Variants in REDIC1 observed in about 807,000 individuals in gnomAD.
The protein encoded by REDIC1 is regulator of DNA class I crossover intermediates 1, also known as HEI10 Interacting Protein 1.
the REDIC1 span, among the ~76,000 whole-genome samples, chr12:39,666,060 C>A: frequency 6.6e-6 from 1 of 152,046 alleles, no homozygotes; most frequent in Non-Finnish European, 1.5e-5. Context: ...CCTTTATTTC[C>A]TTCTCCTGCC....
At chr12:39,705,799 A>G in the REDIC1 span, among the ~76,000 whole-genome samples, 11 of 152,252 alleles carry the variant, frequency 7.2e-5, no homozygotes, top group South Asian at 2.3e-3. Flanking sequence ...TGAATATAGA[A>G]GGAACATAAC....
At chr12:39,753,306 A>T in the REDIC1 span, among the ~76,000 whole-genome samples, 3 of 151,996 alleles carry the variant, frequency 2.0e-5, no homozygotes, top group African/African-American at 7.3e-5. Context: ...GAGAGGGTTA[A>T]TGTCACGGTT....
At chr12:39,896,272 ATG>A in the REDIC1 span, among the ~76,000 whole-genome samples, 1 of 131,992 alleles carries the variant, frequency 7.6e-6, no homozygotes, top group African/African-American at 2.8e-5. Flanking sequence ...GTGTGTATAT[ATG>A]TATACATGTA....
At chr12:39,713,012 CATGTGTATATACGTGTATAT>C in the REDIC1 span, among the ~76,000 whole-genome samples, 123 of 133,752 alleles carry the variant, frequency 9.2e-4, no homozygotes, top group South Asian at 0.02. Flanking sequence ...TGTATATATA[CATGTGTATATACGTGTATAT>C]GTATATATAC....
At chr12:39,654,503 G>A in the REDIC1 span, among the ~76,000 whole-genome samples, 1 of 151,996 alleles carries the variant, frequency 6.6e-6, no homozygotes, top group Non-Finnish European at 1.5e-5. Context: ...CAGGAGAATG[G>A]TGTGAACCCG....
At chr12:39,704,409 A>G in the REDIC1 span, among the ~76,000 whole-genome samples, 1 of 152,164 alleles carries the variant, frequency 6.6e-6, no homozygotes, top group South Asian at 2.1e-4. Flanking sequence ...AATCATTAAA[A>G]AGTCAGGAAA....
chr12:39,736,403 T>C, the REDIC1 span, among the ~76,000 whole-genome samples: 6 of 152,224 alleles, frequency 3.9e-5, no homozygotes, highest in African/African-American at 1.4e-4. Context: ...AGGATAGCTA[T>C]ATTTTATGAG....
the REDIC1 span, among the ~76,000 whole-genome samples, chr12:39,769,081 A>G: frequency 6.6e-3 from 1,007 of 152,094 alleles, 8 homozygotes; most frequent in Admixed American, 0.01. Context: ...GTGTTATGAA[A>G]CCATGCTGTT....
chr12:39,824,503 C>T, the REDIC1 span, among the ~76,000 whole-genome samples: 12 of 152,294 alleles, frequency 7.9e-5, no homozygotes, highest in African/African-American at 2.4e-4. Flanking sequence ...CAATCGGAGT[C>T]AGTTACCAGG....
At chr12:39,692,941 C>A in the REDIC1 span, among the ~76,000 whole-genome samples, 1 of 152,082 alleles carries the variant, frequency 6.6e-6, no homozygotes. Flanking sequence ...TACATGTTTT[C>A]ACCAACAATA....
chr12:39,821,112 TC>T, the REDIC1 span, among the ~76,000 whole-genome samples: 1 of 152,100 alleles, frequency 6.6e-6, no homozygotes, highest in Non-Finnish European at 1.5e-5. Flanking sequence ...TCTTTAGAGT[TC>T]CTTTTATAAC....
At chr12:39,627,727 A>T in the REDIC1 span, among the ~76,000 whole-genome samples, 1 of 152,190 alleles carries the variant, frequency 6.6e-6, no homozygotes, top group Non-Finnish European at 1.5e-5. Flanking sequence ...GTTTAAATTT[A>T]TACAAACGTC....
chr12:39,628,348 A>G, the REDIC1 span, among the ~76,000 whole-genome samples: 5 of 152,170 alleles, frequency 3.3e-5, no homozygotes, highest in Non-Finnish European at 7.3e-5. Context: ...AGGGTACACA[A>G]GATTAGTTGA....
chr12:39,666,274 A>C, the REDIC1 span, among the ~76,000 whole-genome samples: 1 of 152,152 alleles, frequency 6.6e-6, no homozygotes, highest in Non-Finnish European at 1.5e-5. Flanking sequence ...TTTTAGCATG[A>C]AGGGTTGTTG....
chr12:39,766,844 G>C, the REDIC1 span, among the ~76,000 whole-genome samples: 1 of 152,034 alleles, frequency 6.6e-6, no homozygotes, highest in African/African-American at 2.4e-5. Flanking sequence ...CAGCAATTCA[G>C]TCACATCTTT....
At chr12:39,692,710 T>C in the REDIC1 span, among the ~76,000 whole-genome samples, 1 of 152,036 alleles carries the variant, frequency 6.6e-6, no homozygotes, top group Non-Finnish European at 1.5e-5. Context: ...GCTTACGTTG[T>C]TTTGAATATT....
the REDIC1 span, among the ~76,000 whole-genome samples, chr12:39,779,497 G>T: frequency 6.6e-6 from 1 of 151,982 alleles, no homozygotes; most frequent in Non-Finnish European, 1.5e-5. Flanking sequence ...TTCCCCAGGC[G>T]TCATAGGCCA....
the REDIC1 span, among the ~76,000 whole-genome samples, chr12:39,807,696 T>A: frequency 6.6e-6 from 1 of 152,142 alleles, no homozygotes; most frequent in Non-Finnish European, 1.5e-5. Context: ...TGGAAATTTG[T>A]GTTATCAGGA....
At chr12:39,860,434 A>T in the REDIC1 span, among the ~76,000 whole-genome samples, 1 of 152,188 alleles carries the variant, frequency 6.6e-6, no homozygotes, top group Non-Finnish European at 1.5e-5. Flanking sequence ...TGTGAACAAG[A>T]TGTTGCCCAT....
Sources: gnomAD v4.1 joint callset for allele counts (sites outside exome capture counted in the v4.1 genomes callset) on GRCh38, gnomAD v4.1.1 for gene constraint, MANE v1.5 for transcripts, NCBI Gene and HGNC (gene_info 2026-07-23, HGNC 2026-07-21) for gene names.